ATF6: variants seen among roughly 807,000 people sequenced by gnomAD.
ATF6 encodes activating transcription factor 6.
A neutral mutation model predicts 83.6 loss-of-function variants in ATF6; 53 were observed. The observed-to-expected ratio is 0.63, with a 90% CI of 0.51 to 0.80. The LOEUF (loss-of-function observed/expected upper bound fraction) is 0.80. Ranked by LOEUF, ATF6 falls within the 30% of genes least tolerant of loss-of-function variation. ATF6 has a pLI of 0.00. For missense variants in ATF6, 744 were observed against 797.9 expected, an observed-to-expected ratio of 0.93 and a Z score of 0.81; for synonymous variants, 288 against 285.8, an observed-to-expected ratio of 1.01 and a Z score of -0.08.
chr1:161,830,657 A>G (rs1291454290), intron 9 of ATF6, among the ~76,000 whole-genome samples: 1 of 152,260 alleles, frequency 6.6e-6, no homozygotes, highest in Non-Finnish European at 1.5e-5. Flanking sequence ...GTCTACAACC[A>G]TCTGATCTTT....
chr1:161,889,509 T>C (rs1687504423), intron 14 of ATF6, among the ~76,000 whole-genome samples: 1 of 152,236 alleles, frequency 6.6e-6, no homozygotes, highest in African/African-American at 2.4e-5. Context: ...CACTTTCTTC[T>C]GAGTTCTAAA....
At chr1:161,863,648 A>ATT (rs1376466321) in intron 14 of ATF6, among the ~76,000 whole-genome samples, 1 of 152,212 alleles carries the variant, frequency 6.6e-6, no homozygotes, top group Non-Finnish European at 1.5e-5. Flanking sequence ...GGCTTTTCCT[A>ATT]TTTAGGCTTT....
chr1:161,791,546 C>CT lies in ATF6; in HGVS notation c.484+10dup, dbSNP rs780952201. On this transcript the variant is annotated intron_variant, in intron 5 of 15. Coordinates refer to ENST00000367942, the MANE Select transcript of ATF6 (RefSeq NM_007348.4). ...TCCTAGGAACAAGACTGGTATTACT[C>CT]TATCTCCTAACTTCTGTTATTTCTA... 1 of 1,591,088 alleles carries CT rather than the reference C, an allele frequency of 6.3e-7. No homozygotes were observed. Among genetic ancestry groups the CT allele is most frequent in the Non-Finnish European group, 8.5e-7 (1 of 1,174,526 alleles).
At chr1:161,792,084 G>A in intron 5 of ATF6, 40 bp from the exon 6 acceptor site, 1 of 1,570,468 alleles carries the variant, frequency 6.4e-7, no homozygotes, top group African/African-American at 1.4e-5. Context: ...TTGCGTAATT[G>A]CTTTCACATT....
At chr1:161,924,378 AAGTT>A (rs1253468884) in intron 15 of ATF6, among the ~76,000 whole-genome samples, 3 of 152,202 alleles carry the variant, frequency 2.0e-5, no homozygotes, top group African/African-American at 4.8e-5. Flanking sequence ...TTACAAATAA[AAGTT>A]AGAGAGTGCT....
intron 14 of ATF6, among the ~76,000 whole-genome samples, chr1:161,908,322 A>G (rs1389911926): frequency 2.6e-5 from 4 of 152,208 alleles, no homozygotes; most frequent in Admixed American, 1.3e-4. Context: ...CCAGTCTCCA[A>G]TGCTTTTGTT....
At chr1:161,941,830 C>T (rs909659329) in intron 15 of ATF6, among the ~76,000 whole-genome samples, 2 of 152,150 alleles carry the variant, frequency 1.3e-5, no homozygotes, top group Non-Finnish European at 2.9e-5. Flanking sequence ...AAAGTTTAGT[C>T]CTTGCCAAAT....
chr1:161,952,287 GTCC>G (rs1488524933), intron 15 of ATF6, among the ~76,000 whole-genome samples: 1 of 151,972 alleles, frequency 6.6e-6, no homozygotes, highest in Non-Finnish European at 1.5e-5. Flanking sequence ...CCACTAAAAT[GTCC>G]TCCTGGAAAC....
chr1:161,843,757 A>G (rs1205396470), intron 9 of ATF6, among the ~76,000 whole-genome samples: 1 of 152,226 alleles, frequency 6.6e-6, no homozygotes, highest in Non-Finnish European at 1.5e-5. Context: ...TCATAAGTAG[A>G]TAAACCTACG....
At chr1:161,905,108 G>A (rs779231619) in intron 14 of ATF6, among the ~76,000 whole-genome samples, 4 of 152,144 alleles carry the variant, frequency 2.6e-5, no homozygotes, top group Non-Finnish European at 4.4e-5. Context: ...TGCAAGGAGA[G>A]TTAACTTTAG....
Position 161,803,845 on chromosome 1 carries a change from T to C in ATF6, c.909+1573T>C, listed in dbSNP as rs61035948. Among the ~76,000 whole-genome samples the C allele has an allele frequency of 9.8e-3, 1,489 of 152,224 alleles. 28 individuals are homozygous for C. The highest frequency in any genetic ancestry group is 0.034 in the African/African-American group (1,424 of 41,500). ...AAAATAATGCTTTGAAATTTCTTTT[T>C]TTTTGTTTTATTATACTTTAAGTTT... is the stretch of plus-strand genomic sequence containing the variant. On this transcript the variant is annotated intron_variant, in intron 7 of 15. Transcript: ENST00000367942.
At chr1:161,844,642 T>C (rs991045820) in intron 9 of ATF6, among the ~76,000 whole-genome samples, 6 of 152,102 alleles carry the variant, frequency 3.9e-5, no homozygotes, top group Non-Finnish European at 5.9e-5. Flanking sequence ...TAGGGGAAAG[T>C]TCTTAACTTT....
chr1:161,906,546 G>A (rs1316537650), intron 14 of ATF6, among the ~76,000 whole-genome samples: 1 of 152,152 alleles, frequency 6.6e-6, no homozygotes, highest in Non-Finnish European at 1.5e-5. Flanking sequence ...ATCCTACAGA[G>A]TTTGACATGA....
At chr1:161,793,143 A>G (rs1684924341) in intron 6 of ATF6, among the ~76,000 whole-genome samples, 1 of 152,196 alleles carries the variant, frequency 6.6e-6, no homozygotes, top group Admixed American at 6.5e-5. Flanking sequence ...TCCAATTGTG[A>G]ATAGGTAGCT....
At chr1:161,895,899 TC>T (rs1687666899) in intron 14 of ATF6, among the ~76,000 whole-genome samples, 2 of 152,206 alleles carry the variant, frequency 1.3e-5, no homozygotes, top group Admixed American at 1.3e-4. Flanking sequence ...CTTAAACATT[TC>T]TGGAAAATGC....
chr1:161,921,079 C>T (rs1028890423), intron 15 of ATF6, among the ~76,000 whole-genome samples: 2 of 152,008 alleles, frequency 1.3e-5, no homozygotes, highest in African/African-American at 2.4e-5. Context: ...AAGTCCACAG[C>T]AAAGAATCAC....
intron 3 of ATF6, among the ~76,000 whole-genome samples, chr1:161,783,553 T>A (rs949255406): frequency 2.0e-4 from 30 of 152,174 alleles, no homozygotes; most frequent in African/African-American, 6.8e-4. Context: ...CTTATTTTTT[T>A]AAATTTTTTG....
At position 161,943,008 on chromosome 1, in the gene ATF6, G is replaced by A. The variant is rs556345409; in HGVS notation, c.1805-15438G>A. Among the ~76,000 whole-genome samples the A allele has an allele frequency of 1.1e-4, 16 of 152,224 alleles. No individual in the cohort carries two copies. The South Asian group carries it at 1.4e-3, about 14-fold the overall frequency. On this transcript the variant is annotated intron_variant, in intron 15 of 15. Transcript: ENST00000367942. ...GTAGCTGGGATTACAGGCATGCGCC[G>A]TGACACCCGGCTAATTTTTGTATTT...
At chr1:161,802,952 A>G (rs1346651928) in intron 7 of ATF6, among the ~76,000 whole-genome samples, 1 of 152,214 alleles carries the variant, frequency 6.6e-6, no homozygotes, top group East Asian at 1.9e-4. Flanking sequence ...CTTATGTATT[A>G]AATTGAACAT....
Sources: gnomAD v4.1 joint callset for allele counts (sites outside exome capture counted in the v4.1 genomes callset) on GRCh38, gnomAD v4.1.1 for gene constraint, MANE v1.5 for transcripts, NCBI Gene and HGNC (gene_info 2026-07-23, HGNC 2026-07-21) for gene names.